Variants in LOC400499 observed in about 807,000 individuals in gnomAD.
the LOC400499 span, among the ~76,000 whole-genome samples, chr16:11,527,041 C>T: frequency 2.0e-5 from 3 of 152,244 alleles, no homozygotes; most frequent in Non-Finnish European, 4.4e-5. Context: ...AGCGCAATCC[C>T]CGGCGCATCT....
At chr16:11,457,496 G>A in the LOC400499 span, among the ~76,000 whole-genome samples, 8 of 151,672 alleles carry the variant, frequency 5.3e-5, no homozygotes, top group South Asian at 1.7e-3. Context: ...GGGAGGCTGA[G>A]GCAGGAGAAT....
At chr16:11,505,542 C>A in the LOC400499 span, among the ~76,000 whole-genome samples, 1 of 140,404 alleles carries the variant, frequency 7.1e-6, no homozygotes, top group Non-Finnish European at 1.5e-5. Context: ...TAGCCTTAAC[C>A]TCCCAGGCTC....
chr16:11,515,479 G>GTACATACATACATACATACGTACGTACA, the LOC400499 span, among the ~76,000 whole-genome samples: 1 of 144,338 alleles, frequency 6.9e-6, no homozygotes, highest in Non-Finnish European at 1.5e-5. Flanking sequence ...ACATACGTAC[G>GTACATACATACATACATACGTACGTACA]TACATACATA....
the LOC400499 span, among the ~76,000 whole-genome samples, chr16:11,473,366 T>A: frequency 3.4e-4 from 51 of 150,754 alleles, no homozygotes; most frequent in Middle Eastern, 3.4e-3. Flanking sequence ...GAAAAAAAAA[T>A]TTCAAGATCT....
the LOC400499 span, chr16:11,383,884 A>G: frequency 8.1e-6 from 10 of 1,231,932 alleles, no homozygotes; most frequent in Non-Finnish European, 1.0e-5. Context: ...GCTCACACTC[A>G]CCACCCGGAA....
At chr16:11,377,257 T>C in the LOC400499 span, among the ~76,000 whole-genome samples, 1 of 152,260 alleles carries the variant, frequency 6.6e-6, no homozygotes, top group Non-Finnish European at 1.5e-5. Flanking sequence ...TTTCATGCAG[T>C]GTTCAGGATT....
the LOC400499 span, chr16:11,392,056 T>G: frequency 2.5e-6 from 1 of 400,052 alleles, no homozygotes; most frequent in African/African-American, 2.1e-5. Context: ...TTGAACCTTC[T>G]CTTCCAGCCG....
At chr16:11,415,428 G>A in the LOC400499 span, among the ~76,000 whole-genome samples, 3 of 152,124 alleles carry the variant, frequency 2.0e-5, no homozygotes, top group Admixed American at 6.6e-5. Context: ...CCTGAGCCTC[G>A]ACTTCCTTAT....
chr16:11,503,156 C>T, the LOC400499 span, among the ~76,000 whole-genome samples: 1 of 152,084 alleles, frequency 6.6e-6, no homozygotes, highest in African/African-American at 2.4e-5. Context: ...CTCAAGTGAT[C>T]CTCCCACCTT....
At chr16:11,479,423 G>C in the LOC400499 span, among the ~76,000 whole-genome samples, 1 of 150,820 alleles carries the variant, frequency 6.6e-6, no homozygotes, top group Non-Finnish European at 1.5e-5. Flanking sequence ...GACCAACCTG[G>C]ACAGCATATC....
the LOC400499 span, among the ~76,000 whole-genome samples, chr16:11,492,673 T>G: frequency 1.3e-5 from 2 of 151,932 alleles, no homozygotes; most frequent in Admixed American, 1.3e-4. Flanking sequence ...TAGTCCCACC[T>G]ACTCAGGAGG....
chr16:11,430,940 G>C, the LOC400499 span: 2 of 398,116 alleles, frequency 5.0e-6, no homozygotes, highest in Non-Finnish European at 8.8e-6. Context: ...AGATGCTGGA[G>C]TTGGAGCATC....
chr16:11,468,135 AC>A, the LOC400499 span, among the ~76,000 whole-genome samples: 1 of 119,750 alleles, frequency 8.4e-6, no homozygotes, highest in Non-Finnish European at 2.0e-5. Flanking sequence ...AACAAAAAAC[AC>A]CTTGATTTCA....
the LOC400499 span, among the ~76,000 whole-genome samples, chr16:11,445,925 C>A: frequency 1.3e-5 from 2 of 151,178 alleles, no homozygotes; most frequent in African/African-American, 4.9e-5. Context: ...CCTCTGCCTC[C>A]TGGGTTCTCC....
At chr16:11,431,805 G>A in the LOC400499 span, among the ~76,000 whole-genome samples, 1 of 152,206 alleles carries the variant, frequency 6.6e-6, no homozygotes, top group South Asian at 2.1e-4. Flanking sequence ...CCTGCAAGGT[G>A]ACTTTGCCAC....
chr16:11,525,680 C>T, the LOC400499 span, among the ~76,000 whole-genome samples: 48 of 152,186 alleles, frequency 3.2e-4, no homozygotes, highest in African/African-American at 9.9e-4. Flanking sequence ...CACTGCTCAG[C>T]TAGGCTACAA....
the LOC400499 span, among the ~76,000 whole-genome samples, chr16:11,378,042 A>G: frequency 6.6e-6 from 1 of 151,768 alleles, no homozygotes; most frequent in Non-Finnish European, 1.5e-5. Context: ...TCCTTCTCCT[A>G]TCTTTGGGTT....
chr16:11,514,997 G>C, the LOC400499 span, among the ~76,000 whole-genome samples: 1 of 152,264 alleles, frequency 6.6e-6, no homozygotes, highest in South Asian at 2.1e-4. Context: ...CAGAGGCGGG[G>C]AGGAGGGCGT....
the LOC400499 span, among the ~76,000 whole-genome samples, chr16:11,507,473 G>A: frequency 0.67 from 101,431 of 152,140 alleles, 34,202 homozygotes; most frequent in African/African-American, 0.76. Context: ...TCTATCACTT[G>A]CTAGCAGTGT....
Sources: gnomAD v4.1 joint callset for allele counts (sites outside exome capture counted in the v4.1 genomes callset) on GRCh38, gnomAD v4.1.1 for gene constraint, MANE v1.5 for transcripts.